The following RANBP2 variants were observed in gnomAD, a reference collection of about 807,000 sequenced individuals.
The protein encoded by RANBP2 is RAN binding protein 2.
In RANBP2, 57 loss-of-function variants were observed where a neutral mutation model predicts 303.6. That is an observed-to-expected ratio of 0.19 (90% CI 0.15 to 0.23). RANBP2 has a LOEUF of 0.23. Ranked by LOEUF, RANBP2 falls within the 10% of genes least tolerant of loss-of-function variation. The probability of loss-of-function intolerance (pLI) is 1.00; values close to 1 mark genes in which losing one functional copy is unlikely to be tolerated. For synonymous variants in RANBP2, 1,167 were observed against 1,301.5 expected, an observed-to-expected ratio of 0.90 and a Z score of 2.23; for missense variants, 3,138 against 3,780.8, an observed-to-expected ratio of 0.83 and a Z score of 4.46.
chr2:108,729,943 C>T (rs2149101608), intron 2 of RANBP2, among the ~76,000 whole-genome samples: 1 of 152,158 alleles, frequency 6.6e-6, no homozygotes, highest in East Asian at 1.9e-4. Context: ...TAGTCTTGAA[C>T]TTCTGAGCAC....
chr2:109,702,817 T>TTA, the RANBP2 span, among the ~76,000 whole-genome samples: 1 of 151,346 alleles, frequency 6.6e-6, no homozygotes, highest in Non-Finnish European at 1.5e-5. Context: ...TTTTTTTTTT[T>TTA]AATTGCAACT....
the RANBP2 span, among the ~76,000 whole-genome samples, chr2:108,886,666 C>G: frequency 6.6e-6 from 1 of 152,128 alleles, no homozygotes; most frequent in African/African-American, 2.4e-5. Flanking sequence ...TCTGCCTCGG[C>G]CTCCCAAAGT....
At chr2:109,678,187 C>T in the RANBP2 span, among the ~76,000 whole-genome samples, 1 of 152,246 alleles carries the variant, frequency 6.6e-6, no homozygotes, top group Non-Finnish European at 1.5e-5. Flanking sequence ...CAGCTAAAAG[C>T]AGGAAAGATC....
At chr2:109,562,607 CTGA>C in the RANBP2 span, among the ~76,000 whole-genome samples, 1 of 152,158 alleles carries the variant, frequency 6.6e-6, no homozygotes, top group African/African-American at 2.4e-5. Flanking sequence ...CCACAGGTGA[CTGA>C]TGATGACTCC....
At chr2:109,546,382 T>A in the RANBP2 span, 1 of 476,414 alleles carries the variant, frequency 2.1e-6, no homozygotes, top group Non-Finnish European at 3.6e-6. Flanking sequence ...CAGAAGTTCA[T>A]AGTTCAAGGA....
the RANBP2 span, among the ~76,000 whole-genome samples, chr2:109,088,863 A>G: frequency 6.6e-6 from 1 of 152,216 alleles, no homozygotes; most frequent in Admixed American, 6.5e-5. Context: ...TGGTTAAAAA[A>G]GTAGAAAATG....
chr2:109,161,573 GA>G, the RANBP2 span, among the ~76,000 whole-genome samples: 7 of 151,324 alleles, frequency 4.6e-5, no homozygotes, highest in South Asian at 2.1e-4. Context: ...AGTTAATAAA[GA>G]AAAAAAAGGT....
chr2:108,724,711 G>T (rs1193834780), intron 1 of RANBP2, among the ~76,000 whole-genome samples: 1 of 151,518 alleles, frequency 6.6e-6, no homozygotes, highest in East Asian at 1.9e-4. Context: ...TCTTTTGTTT[G>T]TTCTGCCTTT....
chr2:108,727,734 T>C (rs9917289), intron 1 of RANBP2, among the ~76,000 whole-genome samples: 55,603 of 151,082 alleles, frequency 0.37, 13,607 homozygotes, highest in African/African-American at 0.7. Flanking sequence ...TCCCAAGCAG[T>C]GGGGATTACA....
the RANBP2 span, among the ~76,000 whole-genome samples, chr2:109,582,304 C>T: frequency 0.026 from 3,948 of 152,142 alleles, 65 homozygotes; most frequent in South Asian, 0.075. Flanking sequence ...AATCTACAGA[C>T]TCAACGCTAT....
At chr2:109,055,830 G>A in the RANBP2 span, among the ~76,000 whole-genome samples, 1,076 of 142,050 alleles carry the variant, frequency 7.6e-3, 2 homozygotes, top group African/African-American at 0.026. Context: ...GCGCGATCTT[G>A]GCTCACTGCA....
the RANBP2 span, among the ~76,000 whole-genome samples, chr2:109,262,733 C>T: frequency 6.6e-6 from 1 of 152,220 alleles, no homozygotes; most frequent in South Asian, 2.1e-4. Flanking sequence ...TTTGTTCTCA[C>T]TTACCTCCTT....
At chr2:109,575,404 A>G in the RANBP2 span, among the ~76,000 whole-genome samples, 1 of 152,382 alleles carries the variant, frequency 6.6e-6, no homozygotes, top group African/African-American at 2.4e-5. Context: ...GTATCTAACT[A>G]GTAATGGTGG....
At chr2:108,747,106 A>G (rs2149199868) in intron 8 of RANBP2, among the ~76,000 whole-genome samples, 1 of 152,340 alleles carries the variant, frequency 6.6e-6, no homozygotes, top group Admixed American at 6.5e-5. Flanking sequence ...TGGTTTGCCA[A>G]CCATTTAACA....
chr2:108,876,050 G>A, the RANBP2 span: 1 of 1,349,230 alleles, frequency 7.4e-7, no homozygotes, highest in Non-Finnish European at 1.1e-6. Flanking sequence ...AACTCTCTAA[G>A]TATGTGTAAT....
the RANBP2 span, among the ~76,000 whole-genome samples, chr2:109,579,556 G>C: frequency 6.6e-6 from 1 of 151,616 alleles, no homozygotes; most frequent in African/African-American, 2.4e-5. Flanking sequence ...GCTAATTTTT[G>C]TATTTTGGTA....
chr2:109,388,216 A>G, the RANBP2 span, among the ~76,000 whole-genome samples: 1 of 152,226 alleles, frequency 6.6e-6, no homozygotes, highest in Admixed American at 6.5e-5. Flanking sequence ...GTCTGTAACC[A>G]TAGTAACTGA....
the RANBP2 span, among the ~76,000 whole-genome samples, chr2:109,450,062 T>G: frequency 3.3e-5 from 5 of 152,162 alleles, no homozygotes; most frequent in Non-Finnish European, 7.4e-5. Flanking sequence ...AAAGAAAATC[T>G]GGGCCAGGCG....
At chr2:109,419,442 G>T in the RANBP2 span, 2 of 1,282,588 alleles carry the variant, frequency 1.6e-6, no homozygotes, top group Non-Finnish European at 2.2e-6. Context: ...AGCTGGCGAA[G>T]CACAGGCACC....
Sources: gnomAD v4.1 joint callset for allele counts (sites outside exome capture counted in the v4.1 genomes callset) on GRCh38, gnomAD v4.1.1 for gene constraint, MANE v1.5 for transcripts, NCBI Gene and HGNC (gene_info 2026-07-23, HGNC 2026-07-21) for gene names.